The following EXOC6 variants were observed in gnomAD, a reference collection of about 807,000 sequenced individuals.
EXOC6 encodes exocyst complex component 6, also known as SEC15-like 1.
Under a neutral mutation model 112.5 loss-of-function variants are expected in EXOC6, and 60 were observed. That is an observed-to-expected ratio of 0.53 (90% CI 0.43 to 0.66). The LOEUF (loss-of-function observed/expected upper bound fraction) is 0.66. Among genes scored for constraint, EXOC6 ranks in the 30% least tolerant of loss-of-function variants. EXOC6 has a pLI of 0.00. For missense variants in EXOC6, 855 were observed against 957.1 expected, an observed-to-expected ratio of 0.89 and a Z score of 1.41; for synonymous variants, 295 against 308.0, an observed-to-expected ratio of 0.96 and a Z score of 0.44.
chr10:92,848,442 C>CCCCCCCCCCCCCAA, upstream of EXOC6: 6 of 880,122 alleles, frequency 6.8e-6, no homozygotes, highest in Non-Finnish European at 8.4e-6. Flanking sequence ...CGCCCCGCCC[C>CCCCCCCCCCCCCAA]CGCCCCGCCC....
intron 18 of EXOC6, among the ~76,000 whole-genome samples, chr10:92,976,270 T>C (rs894968032): frequency 1.3e-5 from 2 of 152,202 alleles, no homozygotes; most frequent in Non-Finnish European, 1.5e-5. Flanking sequence ...AATCGGATGG[T>C]TGCCGTGTCT....
At chr10:92,941,386 G>A (rs1184135699) in intron 13 of EXOC6, among the ~76,000 whole-genome samples, 1 of 152,150 alleles carries the variant, frequency 6.6e-6, no homozygotes, top group Non-Finnish European at 1.5e-5. Context: ...TGCTGTGAAC[G>A]TGAGTACAGT....
At chr10:92,944,246 T>A (rs115278276) in intron 13 of EXOC6, among the ~76,000 whole-genome samples, 2,219 of 149,032 alleles carry the variant, frequency 0.015, 55 homozygotes, top group African/African-American at 0.055. Flanking sequence ...ATTTTTATTA[T>A]TTTTTTTGAG....
chr10:92,876,416 A>T (rs903057868), intron 1 of EXOC6, among the ~76,000 whole-genome samples: 1 of 152,226 alleles, frequency 6.6e-6, no homozygotes, highest in African/African-American at 2.4e-5. Flanking sequence ...AGGGATAGAT[A>T]GATTAGGTCA....
intron 1 of EXOC6, among the ~76,000 whole-genome samples, chr10:92,859,257 C>G (rs1589712914): frequency 1.3e-5 from 2 of 152,122 alleles, no homozygotes; most frequent in African/African-American, 2.4e-5. Context: ...CTTGTTTGGA[C>G]TATTCTAATC....
intron 5 of EXOC6, among the ~76,000 whole-genome samples, chr10:92,907,967 T>C (rs919872725): frequency 6.6e-6 from 1 of 152,126 alleles, no homozygotes; most frequent in African/African-American, 2.4e-5. Context: ...GTTGTAATAT[T>C]TTGTCACAAT....
At chr10:92,937,115 C>G (rs1029853176) in intron 12 of EXOC6, among the ~76,000 whole-genome samples, 1 of 152,136 alleles carries the variant, frequency 6.6e-6, no homozygotes, top group African/African-American at 2.4e-5. Flanking sequence ...GTCCTTCCTC[C>G]TTGATCACAG....
intron 18 of EXOC6, among the ~76,000 whole-genome samples, chr10:92,988,843 A>G (rs1843117418): frequency 6.6e-6 from 1 of 150,668 alleles, no homozygotes; most frequent in Non-Finnish European, 1.5e-5. Context: ...ACACACACGC[A>G]TTTCTGACCA....
intron 8 of EXOC6, among the ~76,000 whole-genome samples, chr10:92,921,101 A>G (rs554801873): frequency 6.6e-6 from 1 of 152,238 alleles, no homozygotes; most frequent in Non-Finnish European, 1.5e-5. Context: ...ATTACTGGTA[A>G]GGTAGGATTT....
intron 9 of EXOC6, among the ~76,000 whole-genome samples, chr10:92,932,663 CTAAGGAGATCCTAAGGA>C (rs1852110073): frequency 6.6e-6 from 1 of 152,112 alleles, no homozygotes; most frequent in African/African-American, 2.4e-5. Context: ...GACACGCTTA[CTAAGGAGATCCTAAGGA>C]TATGCTTCAA....
chr10:92,887,268 C>T (rs1215927923), intron 1 of EXOC6, among the ~76,000 whole-genome samples: 5 of 151,964 alleles, frequency 3.3e-5, no homozygotes, highest in Admixed American at 2.0e-4. Context: ...TCTTGCCTCT[C>T]TCCATTCAGT....
intron 18 of EXOC6, among the ~76,000 whole-genome samples, chr10:92,975,480 G>T (rs1842501468): frequency 6.7e-6 from 1 of 149,452 alleles, no homozygotes; most frequent in Non-Finnish European, 1.5e-5. Context: ...GAGGTGGGGG[G>T]GGTCAGCCCC....
At chr10:92,865,057 TTC>T (rs1477277190) in intron 1 of EXOC6, among the ~76,000 whole-genome samples, 3 of 152,224 alleles carry the variant, frequency 2.0e-5, no homozygotes, top group Non-Finnish European at 2.9e-5. Flanking sequence ...TTTTTAAAAA[TTC>T]TGTTTTAATT....
intron 1 of EXOC6, among the ~76,000 whole-genome samples, chr10:92,849,400 T>G (rs984896176): frequency 2.0e-5 from 3 of 152,212 alleles, no homozygotes; most frequent in Non-Finnish European, 4.4e-5. Flanking sequence ...AGAATAGTAC[T>G]AGGTAATGCA....
At chr10:92,907,124 A>T (rs1430804790) in intron 5 of EXOC6, among the ~76,000 whole-genome samples, 1 of 152,182 alleles carries the variant, frequency 6.6e-6, no homozygotes, top group African/African-American at 2.4e-5. Flanking sequence ...GGTAAAAATC[A>T]TGTATTTTAC....
intron 5 of EXOC6, chr10:92,901,430 C>T (rs961144095): frequency 1.3e-5 from 2 of 151,140 alleles, no homozygotes; most frequent in African/African-American, 2.4e-5. Flanking sequence ...TCTTTTTTTC[C>T]GATTATGGCT....
At chr10:92,965,180 T>A (rs753462644) in intron 17 of EXOC6, among the ~76,000 whole-genome samples, 3 of 152,176 alleles carry the variant, frequency 2.0e-5, no homozygotes, top group Non-Finnish European at 2.9e-5. Context: ...AAATCGTATA[T>A]GTTTACTAAA....
At chr10:92,950,814 A>G (rs1337848939) in intron 14 of EXOC6, among the ~76,000 whole-genome samples, 1 of 152,224 alleles carries the variant, frequency 6.6e-6, no homozygotes, top group African/African-American at 2.4e-5. Flanking sequence ...AGGAAGACCT[A>G]TATGTGGAGA....
intron 4 of EXOC6, among the ~76,000 whole-genome samples, 174 bp downstream of exon 4, chr10:92,895,194 A>C (rs190956377): frequency 6.6e-6 from 1 of 152,166 alleles, no homozygotes; most frequent in Admixed American, 6.5e-5. Flanking sequence ...TGCTTTTGTC[A>C]TGTTAGAAAG....
Sources: allele counts gnomAD v4.1 joint callset (sites outside exome capture counted in the v4.1 genomes callset), GRCh38; gene constraint gnomAD v4.1.1; transcripts MANE v1.5; gene names NCBI Gene and HGNC (gene_info 2026-07-23, HGNC 2026-07-21).